The following RFX4 variants were observed in gnomAD, a reference collection of about 807,000 sequenced individuals.
RFX4 encodes regulatory factor X4.
In RFX4, 10 loss-of-function variants were observed where a neutral mutation model predicts 95.0. The observed-to-expected ratio is 0.11, with a 90% CI of 0.06 to 0.18. The LOEUF is 0.18. Among genes scored for constraint, RFX4 ranks in the 10% least tolerant of loss-of-function variants. The pLI, the probability that RFX4 is intolerant of heterozygous loss-of-function variation, is 1.00. For synonymous variants in RFX4, 321 were observed against 340.7 expected (o/e 0.94, Z 0.64); for missense variants, 640 against 922.0 (o/e 0.69, Z 3.96).
chr12:106,608,842 A>T lies in RFX4; in HGVS notation c.89A>T (p.Tyr30Phe), dbSNP rs1452433492. 3 of 1,610,580 alleles carry T rather than the reference A, an allele frequency of 1.9e-6. No individual in the cohort carries two copies. Among genetic ancestry groups the T allele is most frequent in the Non-Finnish European group, 1.7e-6 (2 of 1,179,430 alleles). Residue 30 changes from tyrosine to phenylalanine, a missense_variant, in exon 2 of 18, where the codon TAT becomes TTT. Coordinates refer to ENST00000392842, the MANE Select transcript of RFX4 (RefSeq NM_213594.3). ...CTCAACGAAAGTGAAAACAAACGTT[A>T]TTCCAGCCACACATCTCTGGGGAAT... ...RCLNESENKRYSSHTSLGNVS... is the reference protein window; with the variant it reads ...RCLNESENKRFSSHTSLGNVS...
At chr12:106,602,601 C>A (rs945820447) in intron 1 of RFX4, among the ~76,000 whole-genome samples, 5 of 152,180 alleles carry the variant, frequency 3.3e-5, no homozygotes, top group African/African-American at 1.2e-4. Context: ...GCCACCTGAG[C>A]CTTCTTGCCA....
At chr12:106,616,024 C>T (rs1436480006) in intron 2 of RFX4, among the ~76,000 whole-genome samples, 1 of 152,150 alleles carries the variant, frequency 6.6e-6, no homozygotes, top group Admixed American at 6.5e-5. Flanking sequence ...TAGTGGACAT[C>T]ATTGCCTTTT....
intron 2 of RFX4, among the ~76,000 whole-genome samples, chr12:106,633,135 C>T (rs192907789): frequency 2.6e-5 from 4 of 152,288 alleles, no homozygotes; most frequent in Admixed American, 2.6e-4. Flanking sequence ...AAGAAAAGGG[C>T]TTGGGCATTC....
chr12:106,629,108 T>C (rs1481094532), intron 2 of RFX4, among the ~76,000 whole-genome samples: 1 of 152,228 alleles, frequency 6.6e-6, no homozygotes, highest in East Asian at 1.9e-4. Flanking sequence ...TGCACTGTGC[T>C]GTGACTTGCT....
At chr12:106,700,824 T>G (rs1188039688) in intron 8 of RFX4, among the ~76,000 whole-genome samples, 2 of 152,256 alleles carry the variant, frequency 1.3e-5, no homozygotes, top group Non-Finnish European at 2.9e-5. Context: ...TATGCTATTG[T>G]TGTCATACAT....
At chr12:106,593,029 A>G (rs1185112681) in intron 1 of RFX4, among the ~76,000 whole-genome samples, 2 of 152,190 alleles carry the variant, frequency 1.3e-5, no homozygotes, top group Admixed American at 6.5e-5. Flanking sequence ...TACGGAGTTT[A>G]TGTGTGTCAT....
rs111903142 is a variant in RFX4, at chr12:106,706,386, A to G, written c.834-2944A>G. Among the ~76,000 whole-genome samples, 1,265 of 152,322 alleles carry G rather than the reference A, an allele frequency of 8.3e-3. 25 individuals are homozygous for G. The highest frequency in any genetic ancestry group is 0.029 in the African/African-American group (1,208 of 41,562). ...ATGGAGTGGAGGTGGGAGGGTGAGC[A>G]GGGCAGGATGGACTCAGGAAGCTAC... On this transcript the variant is annotated intron_variant, in intron 8 of 17. Transcript: ENST00000392842.
At chr12:106,585,597 T>G (rs1278740062) in intron 1 of RFX4, 2 of 152,280 alleles carry the variant, frequency 1.3e-5, no homozygotes, top group African/African-American at 4.8e-5. Context: ...CCAATTAGCC[T>G]TTCTTCTGAG....
chr12:106,619,246 T>G (rs1330163322), intron 2 of RFX4, among the ~76,000 whole-genome samples: 2 of 152,208 alleles, frequency 1.3e-5, no homozygotes, highest in Non-Finnish European at 2.9e-5. Flanking sequence ...TCAGATAAAT[T>G]CCTTGCAGAT....
chr12:106,625,360 G>A (rs927721635), intron 2 of RFX4, among the ~76,000 whole-genome samples: 1 of 152,158 alleles, frequency 6.6e-6, no homozygotes, highest in Admixed American at 6.5e-5. Flanking sequence ...GAAAACCCTG[G>A]ACCAGTGGGG....
At chr12:106,689,005 A>G (rs1389445412) in intron 6 of RFX4, among the ~76,000 whole-genome samples, 1 of 152,178 alleles carries the variant, frequency 6.6e-6, no homozygotes, top group Non-Finnish European at 1.5e-5. Context: ...TAGAGCTCAC[A>G]GTCTCAGGGG....
chr12:106,686,410 TCA>T (rs2041648627), intron 5 of RFX4, among the ~76,000 whole-genome samples: 1 of 124,790 alleles, frequency 8.0e-6, no homozygotes, highest in African/African-American at 3.0e-5. Flanking sequence ...AGACTCTGTC[TCA>T]AAAAAAAAAA....
At chr12:106,636,026 A>G (rs1592877808) in intron 2 of RFX4, among the ~76,000 whole-genome samples, 1 of 152,172 alleles carries the variant, frequency 6.6e-6, no homozygotes. Flanking sequence ...TTAAGTATTT[A>G]AATACTAAGT....
chr12:106,675,147 C>T (rs1055969663), intron 4 of RFX4, among the ~76,000 whole-genome samples: 1 of 151,846 alleles, frequency 6.6e-6, no homozygotes, highest in Non-Finnish European at 1.5e-5. Context: ...TTGAAAATTA[C>T]TGGCCAGGCA....
chr12:106,726,421 A>G (rs1461026521), intron 13 of RFX4, among the ~76,000 whole-genome samples: 2 of 151,954 alleles, frequency 1.3e-5, no homozygotes, highest in Non-Finnish European at 2.9e-5. Flanking sequence ...CCCGCAAAAT[A>G]AGGAAATGAT....
chr12:106,704,065 CAAA>C (rs34213070), intron 8 of RFX4, among the ~76,000 whole-genome samples: 20 of 40,962 alleles, frequency 4.9e-4, no homozygotes, highest in African/African-American at 1.1e-3. Flanking sequence ...GACACTGTCT[CAAA>C]AAAAAAAAAA....
intron 17 of RFX4, among the ~76,000 whole-genome samples, chr12:106,759,261 G>A (rs2043167897): frequency 6.6e-6 from 1 of 152,178 alleles, no homozygotes; most frequent in Non-Finnish European, 1.5e-5. Flanking sequence ...GGTAGAGAAG[G>A]TTCTAGGTAC....
intron 16 of RFX4, among the ~76,000 whole-genome samples, 155 bp downstream of exon 16, chr12:106,747,754 C>G (rs1484791197): frequency 6.6e-6 from 1 of 151,864 alleles, no homozygotes; most frequent in Non-Finnish European, 1.5e-5. Context: ...GTGGTGAAAC[C>G]CTGTCTGTAC....
rs17038732 is a variant in RFX4 at position 106,719,991 on chromosome 12, G to A, written c.1170G>A (p.Glu390=). 0.025 allele frequency: 40,577 copies of A among 1,613,930 alleles called. 1,446 individuals are homozygous for A. The highest frequency in any genetic ancestry group is 0.17 in the African/African-American group (12,554 of 74,958). Residue 390 remains glutamate, a synonymous_variant, in exon 12 of 18, where the codon GAG becomes GAA. Coordinates refer to ENST00000392842, the MANE Select transcript of RFX4 (RefSeq NM_213594.3). ...AGGAGTTTGACCATCTCTTGGAGGA[G>A]CAGTCTCCCATCGAGTCCTACATTG... ...LYQEFDHLLE[E]QSPIESYIEW...
Sources: allele counts gnomAD v4.1 joint callset (sites outside exome capture counted in the v4.1 genomes callset), GRCh38; gene constraint gnomAD v4.1.1; transcripts MANE v1.5; gene names NCBI Gene and HGNC (gene_info 2026-07-23, HGNC 2026-07-21).